Variants in MAPK1IP1L observed in about 807,000 individuals in gnomAD.
MAPK1IP1L encodes the protein mitogen-activated protein kinase 1 interacting protein 1 like.
Under a neutral mutation model 18.1 loss-of-function variants are expected in MAPK1IP1L, and 10 were observed. That is an observed-to-expected ratio of 0.55 (90% CI 0.34 to 0.94). MAPK1IP1L has a LOEUF of 0.94. Ranked by LOEUF, MAPK1IP1L falls within the 40% of genes least tolerant of loss-of-function variation. The pLI, the probability that MAPK1IP1L is intolerant of heterozygous loss-of-function variation, is 0.02. For missense variants in MAPK1IP1L, 260 were observed against 318.2 expected (o/e 0.82, Z 1.39); for synonymous variants, 115 against 117.3 (o/e 0.98, Z 0.13).
At chr14:55,058,691 G>A (rs1232261728) in intron 1 of MAPK1IP1L, among the ~76,000 whole-genome samples, 2 of 152,076 alleles carry the variant, frequency 1.3e-5, no homozygotes, top group South Asian at 2.1e-4. Flanking sequence ...AATTAGCCGG[G>A]CATGGCGGCG....
rs1030794342 is a variant in MAPK1IP1L at position 55,054,182 on chromosome 14, T to C, written c.-5+2379T>C. ...TAATTTATAATTTATATTTTCTTTT[T>C]TTTTTTTTTTTTTGGAGACGGAGTC... On this transcript the variant is annotated intron_variant, in intron 1 of 3. Transcript: ENST00000395468. Among the ~76,000 whole-genome samples the C allele has an allele frequency of 6.7e-5, 10 of 148,356 alleles. No homozygotes were observed. The South Asian group carries it at 8.5e-4, about 13-fold the overall frequency.
rs1299647920 is a variant in MAPK1IP1L, at chr14:55,066,435, TG to T, written c.*1809del. ...CTTCTCTTCAAGGACAGGTGTTAGC[TG>T]TCTACAATACTGTTGAACTCTGTTG... On this transcript the variant is annotated 3_prime_UTR_variant, in exon 4 of 4. Coordinates refer to ENST00000395468, the MANE Select transcript of MAPK1IP1L (RefSeq NM_144578.4). 6.7e-6 allele frequency: 1 copy of T among 150,156 alleles called. No individual in the cohort carries two copies. The highest frequency in any genetic ancestry group is 1.5e-5 in the Non-Finnish European group (1 of 67,532). 9.3% of individuals were successfully genotyped at this position (150,156 alleles called of 1,614,324 possible). A position where few individuals can be genotyped will look rare whatever the true frequency, so the allele number is the denominator to read the frequency against.
At chr14:55,064,319 C>T (rs1373896991) in intron 3 of MAPK1IP1L, among the ~76,000 whole-genome samples, 1 of 151,872 alleles carries the variant, frequency 6.6e-6, no homozygotes, top group Non-Finnish European at 1.5e-5. Flanking sequence ...TCTGTTAACT[C>T]TTAGTACGAA....
Position 55,062,968 on chromosome 14 carries a change from T to C in MAPK1IP1L, c.369T>C (p.Phe123=), listed in dbSNP as rs1433906676. Residue 123 remains phenylalanine, a synonymous_variant, in exon 3 of 4, where the codon TTT becomes TTC. Coordinates refer to ENST00000395468, the MANE Select transcript of MAPK1IP1L (RefSeq NM_144578.4). The part of the protein sequence containing the change: ...TGPYPTPNMP[F]PELPRPYGAP... ...CATATCCTACACCAAATATGCCCTTTCCAGAGCTACCCAGACCATATGGTG... is the reference window on the plus strand; with the variant it reads ...CATATCCTACACCAAATATGCCCTTCCCAGAGCTACCCAGACCATATGGTG... 6.2e-7 allele frequency: 1 copy of C among 1,613,230 alleles called. No homozygotes were observed. Among genetic ancestry groups the C allele is most frequent in the African/African-American group, 1.3e-5 (1 of 74,918 alleles).
rs935628878 is a variant in MAPK1IP1L at position 55,066,193 on chromosome 14, A to G, written c.*1566A>G. ...ATATTTAGTAGTTTATTTCTGCTCT[A>G]ATTAAAATGTCAAGAATGCCAAATG... On this transcript the variant is annotated 3_prime_UTR_variant, in exon 4 of 4. Coordinates refer to ENST00000395468, the MANE Select transcript of MAPK1IP1L (RefSeq NM_144578.4). The G allele has an allele frequency of 1.3e-5, 2 of 152,176 alleles. No individual in the cohort carries two copies. Among genetic ancestry groups the G allele is most frequent in the Admixed American group, 6.5e-5 (1 of 15,270 alleles). The allele number at this position is 152,176 out of a possible 1,614,324, so 9.4% of individuals were successfully genotyped here.
intron 1 of MAPK1IP1L, among the ~76,000 whole-genome samples, chr14:55,055,023 AAAAG>A (rs756818331): frequency 4.6e-4 from 70 of 152,360 alleles, no homozygotes; most frequent in Admixed American, 9.1e-4. Flanking sequence ...AAAAAGAAAA[AAAAG>A]AAAGCCTTTC....
intron 1 of MAPK1IP1L, among the ~76,000 whole-genome samples, chr14:55,058,362 A>G (rs2042787957): frequency 6.6e-6 from 1 of 152,216 alleles, no homozygotes; most frequent in South Asian, 2.1e-4. Flanking sequence ...CCTGTCCCAT[A>G]TATGAACGAA....
At chr14:55,058,140 C>G (rs150346825) in intron 1 of MAPK1IP1L, among the ~76,000 whole-genome samples, 1 of 152,218 alleles carries the variant, frequency 6.6e-6, no homozygotes, top group East Asian at 1.9e-4. Context: ...CAGACTGGGC[C>G]GCGTAGACAC....
At chr14:55,061,730 T>C (rs1280302581) in intron 2 of MAPK1IP1L, 29 bp downstream of exon 2, 3 of 1,531,056 alleles carry the variant, frequency 2.0e-6, no homozygotes, top group Middle Eastern at 3.5e-4. Context: ...CTGTGATAAG[T>C]TTTTCATCTC....
intron 1 of MAPK1IP1L, 42 bp downstream of exon 1, chr14:55,051,845 C>A (rs1390120129): frequency 2.2e-6 from 1 of 447,912 alleles, no homozygotes; most frequent in Non-Finnish European, 4.5e-6. Context: ...GAAGGGGAAT[C>A]GGGGAGCTGG....
At chr14:55,061,042 A>T (rs1002794273) in intron 1 of MAPK1IP1L, among the ~76,000 whole-genome samples, 17 of 152,090 alleles carry the variant, frequency 1.1e-4, no homozygotes, top group African/African-American at 4.1e-4. Context: ...ACCGGCTATT[A>T]GGGAGACTGA....
rs141601123 is a variant in MAPK1IP1L, at chr14:55,059,363, A to G, written c.-4-2317A>G. Among the ~76,000 whole-genome samples the G allele has an allele frequency of 4.7e-3, 713 of 152,122 alleles. 7 individuals carry two copies. Among genetic ancestry groups the G allele is most frequent in the African/African-American group, 0.016 (677 of 41,502 alleles). On this transcript the variant is annotated intron_variant, in intron 1 of 3. Coordinates refer to ENST00000395468, the MANE Select transcript of MAPK1IP1L (RefSeq NM_144578.4). ...AAGAATAAAGTCAGCTGGGCACAGT[A>G]TCTCACGCCTGTAATCCCAAGACTT...
rs2042820209 is a variant in MAPK1IP1L at position 55,061,824 on chromosome 14, AC to A, written c.18+125del. ...GCTTTAACCAGGCATGGTGGTGTGC[AC>A]CTGTAGTCCTAGCTACTTGGGAGGA... On this transcript the variant is annotated intron_variant, in intron 2 of 3. Transcript: ENST00000395468. 1.1e-5 allele frequency: 8 copies of A among 741,024 alleles called. No homozygotes were observed. In the East Asian group the frequency reaches 2.5e-4, roughly 23 times the overall value. The allele number at this position is 741,024 out of a possible 1,614,324, so 45.9% of individuals were successfully genotyped here.
Position 55,069,778 on chromosome 14 carries a change from T to C in MAPK1IP1L, c.*5151T>C, listed in dbSNP as rs1174705253. On this transcript the variant is annotated 3_prime_UTR_variant, in exon 4 of 4. Coordinates refer to ENST00000395468, the MANE Select transcript of MAPK1IP1L (RefSeq NM_144578.4). ...ATTTTCTCTTCTTTTAAGGCTAGGCTACTCTTGGTAACCAGATTATCCGTA... is the reference window on the plus strand; with the variant it reads ...ATTTTCTCTTCTTTTAAGGCTAGGCCACTCTTGGTAACCAGATTATCCGTA... 6.6e-6 allele frequency: 1 copy of C among 152,234 alleles called. No individual in the cohort carries two copies. Among genetic ancestry groups the C allele is most frequent in the Non-Finnish European group, 1.5e-5 (1 of 68,036 alleles). The allele number at this position is 152,234 out of a possible 1,614,324, so 9.4% of individuals were successfully genotyped here.
At chr14:55,055,791 G>A (rs918863694) in intron 1 of MAPK1IP1L, among the ~76,000 whole-genome samples, 6 of 152,092 alleles carry the variant, frequency 3.9e-5, no homozygotes, top group African/African-American at 1.2e-4. Context: ...TTAGCCGGGC[G>A]TGGTGGCACG....
intron 1 of MAPK1IP1L, among the ~76,000 whole-genome samples, chr14:55,058,410 C>T (rs1566762485): frequency 6.6e-6 from 1 of 152,180 alleles, no homozygotes; most frequent in Admixed American, 6.5e-5. Context: ...AGCCTATTTA[C>T]AACCACAGGG....
intron 1 of MAPK1IP1L, 133 bp from the exon 2 acceptor site, chr14:55,061,547 C>A (rs1193887300): frequency 6.2e-6 from 4 of 641,660 alleles, no homozygotes; most frequent in Non-Finnish European, 1.0e-5. Flanking sequence ...TAAAGAAAAA[C>A]ACATTACATA....
chr14:55,055,581 A>G (rs2042764939), intron 1 of MAPK1IP1L, among the ~76,000 whole-genome samples: 1 of 152,178 alleles, frequency 6.6e-6, no homozygotes, highest in African/African-American at 2.4e-5. Context: ...TTCACGTCCT[A>G]GGCAGGAGGG....
intron 3 of MAPK1IP1L, chr14:55,063,987 A>G (rs2042840685): frequency 6.6e-6 from 1 of 152,266 alleles, no homozygotes; most frequent in African/African-American, 2.4e-5. Flanking sequence ...TCCTTAGGAA[A>G]AAAAATCTGT....
Sources: gnomAD v4.1 joint callset for allele counts (sites outside exome capture counted in the v4.1 genomes callset) on GRCh38, gnomAD v4.1.1 for gene constraint, MANE v1.5 for transcripts, NCBI Gene and HGNC (gene_info 2026-07-23, HGNC 2026-07-21) for gene names.